Variants in KALRN observed in about 807,000 individuals in gnomAD.
The protein encoded by KALRN is kalirin RhoGEF kinase.
Under a neutral mutation model 353.7 loss-of-function variants are expected in KALRN, and 70 were observed. That is an observed-to-expected ratio of 0.20 (90% CI 0.16 to 0.24). The LOEUF (loss-of-function observed/expected upper bound fraction) is 0.24, where lower values mean the gene tolerates loss of function less well. Among genes scored for constraint, KALRN ranks in the 10% least tolerant of loss-of-function variants. The pLI, the probability that KALRN is intolerant of heterozygous loss-of-function variation, is 1.00. For synonymous variants in KALRN, 1,391 were observed against 1,434.8 expected, an observed-to-expected ratio of 0.97 and a Z score of 0.69; for missense variants, 2,791 against 3,756.7, an observed-to-expected ratio of 0.74 and a Z score of 6.72.
At chr3:124,683,508 C>A (rs1360115306) in intron 51 of KALRN, among the ~76,000 whole-genome samples, 1 of 152,228 alleles carries the variant, frequency 6.6e-6, no homozygotes, top group Non-Finnish European at 1.5e-5. Context: ...GCCTCCCTGA[C>A]TTGGGCCTTC....
At chr3:124,537,998 G>T (rs1006766030) in intron 33 of KALRN, among the ~76,000 whole-genome samples, 9 of 152,226 alleles carry the variant, frequency 5.9e-5, no homozygotes, top group Admixed American at 1.3e-4. Context: ...ACAAGCAAAA[G>T]AATTGTGAGA....
intron 1 of KALRN, among the ~76,000 whole-genome samples, chr3:124,215,870 C>A (rs74580003): frequency 0.027 from 4,146 of 152,246 alleles, 184 homozygotes; most frequent in African/African-American, 0.095. Flanking sequence ...CCTTATCCTG[C>A]CATTATCCAG....
intron 34 of KALRN, among the ~76,000 whole-genome samples, chr3:124,616,147 T>G (rs2078565945): frequency 6.6e-6 from 1 of 152,236 alleles, no homozygotes; most frequent in Non-Finnish European, 1.5e-5. Flanking sequence ...TTCTTGCTTC[T>G]TCTCTCAGGT....
At chr3:124,179,675 TGTG>T (rs1340817757) in intron 1 of KALRN, among the ~76,000 whole-genome samples, 6 of 152,254 alleles carry the variant, frequency 3.9e-5, no homozygotes, top group Admixed American at 3.9e-4. Context: ...ATGTGTGTGT[TGTG>T]CTACAATGTT....
At chr3:124,372,110 G>A (rs1471751666) in intron 10 of KALRN, among the ~76,000 whole-genome samples, 6 of 152,106 alleles carry the variant, frequency 3.9e-5, no homozygotes, top group Non-Finnish European at 8.8e-5. Flanking sequence ...CCACGTTTTT[G>A]CAAATGACTG....
At chr3:124,042,518 G>A (rs879250583) in intron 1 of KALRN, among the ~76,000 whole-genome samples, 2 of 152,200 alleles carry the variant, frequency 1.3e-5, no homozygotes, top group Admixed American at 1.3e-4. Context: ...AGCAGAAATG[G>A]AGAGGAGGGG....
intron 57 of KALRN, among the ~76,000 whole-genome samples, chr3:124,707,656 A>G (rs1306000966): frequency 3.3e-5 from 5 of 152,208 alleles, no homozygotes; most frequent in Non-Finnish European, 7.3e-5. Flanking sequence ...GAGAGAACAG[A>G]ATAATTCATG....
chr3:124,671,905 G>A lies in KALRN; in HGVS notation c.6942+7G>A, dbSNP rs773664556. The A allele has an allele frequency of 4.4e-6, 7 of 1,590,924 alleles. No individual in the cohort carries two copies. Among genetic ancestry groups the A allele is most frequent in the South Asian group, 3.3e-5 (3 of 90,478 alleles). On this transcript the variant is annotated splice_region_variant and intron_variant, in intron 48 of 59. Coordinates refer to ENST00000682506, the MANE Select transcript of KALRN (RefSeq NM_001388419.1). The stretch of plus-strand genomic sequence containing the variant: ...CAAGTTCGAAGCCAGCAAGGTAAGT[G>A]ACAACTCATTACTCCCACCCTTGTC...
chr3:124,556,101 G>C (rs2071209079), intron 33 of KALRN, among the ~76,000 whole-genome samples: 1 of 152,046 alleles, frequency 6.6e-6, no homozygotes. Flanking sequence ...CAGCACCAAG[G>C]CCTCCTGATT....
intron 10 of KALRN, among the ~76,000 whole-genome samples, chr3:124,370,776 A>G (rs1249134074): frequency 6.6e-6 from 1 of 152,244 alleles, no homozygotes; most frequent in Non-Finnish European, 1.5e-5. Context: ...CATTGAGTGG[A>G]AAATTTGCTC....
intron 1 of KALRN, among the ~76,000 whole-genome samples, chr3:124,045,728 G>A (rs778998411): frequency 4.5e-5 from 6 of 134,038 alleles, no homozygotes; most frequent in Middle Eastern, 7.4e-3. Context: ...AATCTTTCCC[G>A]AAAGGAGGTT....
intron 54 of KALRN, among the ~76,000 whole-genome samples, chr3:124,696,480 A>G (rs899867623): frequency 6.6e-5 from 10 of 152,138 alleles, no homozygotes; most frequent in African/African-American, 2.4e-4. Context: ...TTTCTACAAT[A>G]CTTTTTAAAA....
chr3:124,489,327 C>A (rs7613602), intron 29 of KALRN, among the ~76,000 whole-genome samples: 151,147 of 152,198 alleles, frequency 0.99, 75,059 homozygotes, highest in South Asian at 1. Flanking sequence ...AACAAACAAA[C>A]AAAAAGACTT....
intron 1 of KALRN, among the ~76,000 whole-genome samples, chr3:124,093,534 C>T (rs949224414): frequency 1.3e-5 from 2 of 152,364 alleles, no homozygotes; most frequent in African/African-American, 2.4e-5. Flanking sequence ...CTGGGCACCC[C>T]GTCATGCCCC....
At chr3:124,638,764 G>A (rs2081663100) in intron 37 of KALRN, among the ~76,000 whole-genome samples, 1 of 150,840 alleles carries the variant, frequency 6.6e-6, no homozygotes. Context: ...CAATGGGGGG[G>A]TGCCCTCAGG....
chr3:124,701,384 C>CTT lies in KALRN; in HGVS notation c.7997-652_7997-651dup, dbSNP rs377085419. 4.7e-4 allele frequency among the ~76,000 whole-genome samples: 58 copies of CTT among 122,552 alleles called. 2 individuals are homozygous for CTT. Among genetic ancestry groups the CTT allele is most frequent in the African/African-American group, 9.9e-4 (32 of 32,266 alleles). The allele number at this position is 122,552 out of a possible 152,430, so 80.4% of individuals were successfully genotyped here. On this transcript the variant is annotated intron_variant, in intron 56 of 59. Coordinates refer to ENST00000682506, the MANE Select transcript of KALRN (RefSeq NM_001388419.1). ...GATAATTTTTTCTTTTTCTTTCTTT[C>CTT]TTTCTTTTTTTTTTTTTTTTGGAGA... is the stretch of plus-strand genomic sequence containing the variant.
intron 33 of KALRN, chr3:124,518,655 G>T (rs568996465): frequency 1.7e-5 from 24 of 1,448,368 alleles, no homozygotes; most frequent in African/African-American, 5.7e-5. Flanking sequence ...CACCCTCGGG[G>T]CTCCCTTCTT....
At chr3:124,085,282 G>A (rs926530365) in intron 1 of KALRN, among the ~76,000 whole-genome samples, 19 of 152,184 alleles carry the variant, frequency 1.2e-4, no homozygotes, top group African/African-American at 4.3e-4. Context: ...TCAACACAAA[G>A]CTCTGGACAG....
intron 49 of KALRN, among the ~76,000 whole-genome samples, chr3:124,676,132 A>G (rs545167325): frequency 6.6e-6 from 1 of 152,348 alleles, no homozygotes; most frequent in South Asian, 2.1e-4. Context: ...CTAAATATCC[A>G]GGCACTAAAC....
Sources: allele counts gnomAD v4.1 joint callset (sites outside exome capture counted in the v4.1 genomes callset), GRCh38; gene constraint gnomAD v4.1.1; transcripts MANE v1.5; gene names NCBI Gene and HGNC (gene_info 2026-07-23, HGNC 2026-07-21).